Variants in AFG1L observed in about 807,000 individuals in gnomAD.
The protein encoded by AFG1L is AFG1-like ATPase.
In AFG1L, 53 loss-of-function variants were observed where a neutral mutation model predicts 62.2. That is an observed-to-expected ratio of 0.85 (90% CI 0.68 to 1.07). The LOEUF is 1.07. AFG1L is among the 50% of genes least tolerant of loss of function. The pLI, the probability that AFG1L is intolerant of heterozygous loss-of-function variation, is 0.00. For missense variants in AFG1L, 555 were observed against 590.5 expected, an observed-to-expected ratio of 0.94 and a Z score of 0.62; for synonymous variants, 228 against 210.3, an observed-to-expected ratio of 1.08 and a Z score of -0.73.
intron 7 of AFG1L, among the ~76,000 whole-genome samples, chr6:108,423,669 A>G (rs1369903297): frequency 2.6e-5 from 4 of 152,106 alleles, no homozygotes; most frequent in African/African-American, 4.8e-5. Context: ...TGTCACCTCT[A>G]AATATATACA....
At chr6:108,508,541 T>C (rs957024590) in intron 10 of AFG1L, among the ~76,000 whole-genome samples, 1 of 152,098 alleles carries the variant, frequency 6.6e-6, no homozygotes, top group Non-Finnish European at 1.5e-5. Flanking sequence ...AGGACTCGGG[T>C]CATTCTTGGT....
At chr6:108,379,406 AGT>A (rs754074728) in intron 6 of AFG1L, among the ~76,000 whole-genome samples, 1 of 152,154 alleles carries the variant, frequency 6.6e-6, no homozygotes, top group Non-Finnish European at 1.5e-5. Flanking sequence ...AGCTACAGCC[AGT>A]GTGTTTGGGT....
chr6:108,402,187 G>T (rs1781650475), intron 7 of AFG1L, 133 bp downstream of exon 7: 13 of 448,570 alleles, frequency 2.9e-5, no homozygotes, highest in Middle Eastern at 4.3e-4. Context: ...GTCAGGGGCC[G>T]GGCACGGTGG....
At chr6:108,295,293 C>T (rs1185779844) in intron 1 of AFG1L, 75 bp downstream of exon 1, 8 of 1,486,436 alleles carry the variant, frequency 5.4e-6, no homozygotes, top group Non-Finnish European at 7.2e-6. Flanking sequence ...CCCTCCCTGT[C>T]CGATCTACCC....
chr6:108,295,902 T>C (rs1426319566), intron 1 of AFG1L: 2 of 152,196 alleles, frequency 1.3e-5, no homozygotes, highest in Non-Finnish European at 2.9e-5. Context: ...TGTCATTGTT[T>C]CCTAAGCACT....
intron 3 of AFG1L, among the ~76,000 whole-genome samples, chr6:108,350,885 T>G (rs1779053303): frequency 6.6e-6 from 1 of 152,214 alleles, no homozygotes; most frequent in South Asian, 2.1e-4. Context: ...GGAAGCATAG[T>G]TCTCCCTGGC....
Position 108,525,317 on chromosome 6 carries a change from A to G in AFG1L, c.*2892A>G, listed in dbSNP as rs1391417826. 1 of 152,206 alleles carries G rather than the reference A, an allele frequency of 6.6e-6. No homozygotes were observed. Among genetic ancestry groups the G allele is most frequent in the Admixed American group, 6.5e-5 (1 of 15,290 alleles). The allele number at this position is 152,206 out of a possible 1,614,324, so 9.4% of individuals were successfully genotyped here. On this transcript the variant is annotated 3_prime_UTR_variant, in exon 13 of 13. Coordinates refer to ENST00000368977, the MANE Select transcript of AFG1L (RefSeq NM_145315.5). ...TTATTTGCTGATATCACTAATCCTG[A>G]GATGAAAAACAGGATGGACTTAAGT...
chr6:108,382,861 G>T (rs1179727369), intron 6 of AFG1L, among the ~76,000 whole-genome samples: 2 of 152,160 alleles, frequency 1.3e-5, no homozygotes, highest in South Asian at 4.1e-4. Flanking sequence ...ATTAGACCTT[G>T]TTCAAGATTA....
intron 6 of AFG1L, among the ~76,000 whole-genome samples, chr6:108,367,410 C>T (rs1779805805): frequency 6.6e-6 from 1 of 151,796 alleles, no homozygotes; most frequent in Non-Finnish European, 1.5e-5. Flanking sequence ...TGCAGCAATC[C>T]CAAGGGGAGG....
intron 10 of AFG1L, among the ~76,000 whole-genome samples, chr6:108,478,391 C>T (rs1425369178): frequency 7.9e-5 from 12 of 152,220 alleles, no homozygotes; most frequent in African/African-American, 2.9e-4. Context: ...GAGCCGAGGT[C>T]GCTCCACTGC....
intron 6 of AFG1L, among the ~76,000 whole-genome samples, chr6:108,382,053 TGCAATG>T (rs1249901185): frequency 1.4e-5 from 2 of 143,988 alleles, no homozygotes; most frequent in Admixed American, 1.5e-4. Context: ...CAGGCTGGAG[TGCAATG>T]GCACAGTCTC....
chr6:108,507,761 G>C (rs985204872), intron 10 of AFG1L, among the ~76,000 whole-genome samples: 1 of 152,156 alleles, frequency 6.6e-6, no homozygotes, highest in African/African-American at 2.4e-5. Context: ...CAGAGCATGA[G>C]AGTCTTAATG....
In AFG1L at chr6:108,310,101, C is replaced by T. The variant is rs567072259; in HGVS notation, c.140-13724C>T. ...ATGTATACTCAGCAGGTTTGTGTCA[C>T]GGTTCAGGAACCCCAAGCTTAGGAA... On this transcript the variant is annotated intron_variant, in intron 1 of 12. Coordinates refer to ENST00000368977, the MANE Select transcript of AFG1L (RefSeq NM_145315.5). Among the ~76,000 whole-genome samples, 15 of 152,280 alleles carry T rather than the reference C, an allele frequency of 9.9e-5. No individual in the cohort carries two copies. In the South Asian group the frequency reaches 2.3e-3, roughly 23 times the overall value.
chr6:108,507,107 C>T (rs1202934257), intron 10 of AFG1L, among the ~76,000 whole-genome samples: 2 of 152,138 alleles, frequency 1.3e-5, no homozygotes, highest in Non-Finnish European at 2.9e-5. Flanking sequence ...ATTGCTATCT[C>T]TCGTGGCCTA....
intron 6 of AFG1L, among the ~76,000 whole-genome samples, chr6:108,399,985 C>T (rs908634443): frequency 5.3e-5 from 8 of 151,690 alleles, no homozygotes; most frequent in African/African-American, 1.9e-4. Flanking sequence ...TGCCATGTTG[C>T]TCAGGCTGGT....
chr6:108,467,777 A>G (rs1198195333), intron 8 of AFG1L, among the ~76,000 whole-genome samples: 3 of 152,228 alleles, frequency 2.0e-5, no homozygotes, highest in Non-Finnish European at 4.4e-5. Context: ...CACTATTATT[A>G]TGGGCATGCA....
intron 6 of AFG1L, among the ~76,000 whole-genome samples, chr6:108,398,072 T>C (rs975673253): frequency 8.5e-5 from 13 of 152,126 alleles, no homozygotes; most frequent in African/African-American, 2.2e-4. Flanking sequence ...TTCCCACCAA[T>C]AGAGTATTGA....
intron 5 of AFG1L, chr6:108,359,985 A>C (rs1364244424): frequency 6.6e-6 from 1 of 152,234 alleles, no homozygotes; most frequent in Non-Finnish European, 1.5e-5. Flanking sequence ...TAGCATAAAC[A>C]TTGGTAAGAA....
chr6:108,515,785 T>C (rs1456043010), intron 11 of AFG1L, among the ~76,000 whole-genome samples: 3 of 151,566 alleles, frequency 2.0e-5, no homozygotes, highest in Non-Finnish European at 4.4e-5. Context: ...GAGAGAAGAA[T>C]CAAATAGACA....
Sources: allele counts gnomAD v4.1 joint callset (sites outside exome capture counted in the v4.1 genomes callset), GRCh38; gene constraint gnomAD v4.1.1; transcripts MANE v1.5; gene names NCBI Gene and HGNC (gene_info 2026-07-23, HGNC 2026-07-21).